Variants in SLC35D4 observed in about 807,000 individuals in gnomAD.
SLC35D4 encodes UDP-N-acetylglucosamine transporter SLC35D4.
At chr18:23,362,075 G>T in the SLC35D4 span, among the ~76,000 whole-genome samples, 1 of 152,196 alleles carries the variant, frequency 6.6e-6, no homozygotes, top group African/African-American at 2.4e-5. Flanking sequence ...TGACCACTTT[G>T]TATTCCCAGG....
At chr18:23,366,626 T>A in the SLC35D4 span, among the ~76,000 whole-genome samples, 1 of 152,158 alleles carries the variant, frequency 6.6e-6, no homozygotes, top group Non-Finnish European at 1.5e-5. Flanking sequence ...CCACAAGGAA[T>A]CCCTAGTTGG....
the SLC35D4 span, among the ~76,000 whole-genome samples, chr18:23,245,411 T>C: frequency 6.6e-6 from 1 of 150,380 alleles, no homozygotes; most frequent in African/African-American, 2.5e-5. Flanking sequence ...CTTGGGAGAC[T>C]GAGGCACGAG....
the SLC35D4 span, among the ~76,000 whole-genome samples, chr18:23,351,935 G>A: frequency 2.6e-5 from 4 of 152,134 alleles, no homozygotes. Context: ...CTTGAGCTCT[G>A]GACACCTGCA....
chr18:23,323,672 T>C, the SLC35D4 span, among the ~76,000 whole-genome samples: 17 of 152,164 alleles, frequency 1.1e-4, no homozygotes, highest in Admixed American at 1.1e-3. Context: ...ATTCACAAGT[T>C]GAAGCCCAAC....
chr18:23,422,693 C>T, the SLC35D4 span, among the ~76,000 whole-genome samples: 1 of 152,108 alleles, frequency 6.6e-6, no homozygotes, highest in African/African-American at 2.4e-5. Context: ...CTTCCTGCTG[C>T]CACAGGCAGC....
chr18:23,272,645 C>T, the SLC35D4 span, among the ~76,000 whole-genome samples: 1 of 151,848 alleles, frequency 6.6e-6, no homozygotes, highest in Non-Finnish European at 1.5e-5. Flanking sequence ...AGAACCAAAA[C>T]CTTTTATCCT....
the SLC35D4 span, among the ~76,000 whole-genome samples, chr18:23,390,495 A>T: frequency 2.0e-5 from 3 of 152,258 alleles, no homozygotes; most frequent in African/African-American, 7.2e-5. Flanking sequence ...AGAATCCATT[A>T]GCTGAAAATT....
the SLC35D4 span, chr18:23,371,433 A>AAGTG: frequency 6.3e-7 from 1 of 1,593,364 alleles, no homozygotes; most frequent in African/African-American, 1.4e-5. Context: ...TACACAGAGT[A>AAGTG]AGTGAATTAT....
At chr18:23,376,856 C>T in the SLC35D4 span, 9 of 456,562 alleles carry the variant, frequency 2.0e-5, no homozygotes, top group African/African-American at 4.0e-5. Flanking sequence ...TGAGCTTTAC[C>T]GCCTCTCTTT....
At chr18:23,307,093 G>T in the SLC35D4 span, among the ~76,000 whole-genome samples, 2 of 152,204 alleles carry the variant, frequency 1.3e-5, no homozygotes, top group Non-Finnish European at 2.9e-5. Context: ...ACCTCCGTTG[G>T]GTTACACATG....
At chr18:23,371,257 G>A in the SLC35D4 span, among the ~76,000 whole-genome samples, 3 of 151,992 alleles carry the variant, frequency 2.0e-5, no homozygotes, top group African/African-American at 7.3e-5. Context: ...ACCATGCCTG[G>A]CTAATTTTTG....
chr18:23,253,923 A>G, the SLC35D4 span: 9 of 1,614,122 alleles, frequency 5.6e-6, no homozygotes, highest in Non-Finnish European at 6.8e-6. Flanking sequence ...CACGAAGTCA[A>G]GCATTTAATT....
At chr18:23,291,311 C>G in the SLC35D4 span, among the ~76,000 whole-genome samples, 247 of 152,302 alleles carry the variant, frequency 1.6e-3, no homozygotes, top group Middle Eastern at 6.8e-3. Context: ...AGAGGACAGC[C>G]CACTTATGCT....
chr18:23,369,229 A>T, the SLC35D4 span, among the ~76,000 whole-genome samples: 8 of 152,220 alleles, frequency 5.3e-5, no homozygotes, highest in Non-Finnish European at 8.8e-5. Flanking sequence ...TTATTAAAAG[A>T]ACAAAAGGTG....
At chr18:23,323,291 T>C in the SLC35D4 span, among the ~76,000 whole-genome samples, 20 of 152,232 alleles carry the variant, frequency 1.3e-4, no homozygotes, top group Admixed American at 3.9e-4. Context: ...CATTTAGCAG[T>C]AATGGAGGTG....
the SLC35D4 span, chr18:23,377,676 A>G: frequency 6.4e-7 from 1 of 1,571,496 alleles, no homozygotes; most frequent in Non-Finnish European, 8.6e-7. Flanking sequence ...TGTTTTCTGC[A>G]TAAAAGTAAA....
chr18:23,344,600 CTTTTT>C, the SLC35D4 span, among the ~76,000 whole-genome samples: 1 of 126,074 alleles, frequency 7.9e-6, no homozygotes. Context: ...TTTTTTTCTT[CTTTTT>C]TTTTTTTTTG....
the SLC35D4 span, among the ~76,000 whole-genome samples, chr18:23,368,069 C>A: frequency 6.6e-6 from 1 of 152,126 alleles, no homozygotes; most frequent in African/African-American, 2.4e-5. Context: ...AAGCCTCAGA[C>A]TTCATCCTAC....
At chr18:23,248,226 G>A in the SLC35D4 span, among the ~76,000 whole-genome samples, 15 of 152,178 alleles carry the variant, frequency 9.9e-5, no homozygotes, top group Admixed American at 3.3e-4. Context: ...TCAACGGATC[G>A]GATATCGTCA....
Sources: allele counts gnomAD v4.1 joint callset (sites outside exome capture counted in the v4.1 genomes callset), GRCh38; gene constraint gnomAD v4.1.1; transcripts MANE v1.5; gene names NCBI Gene and HGNC (gene_info 2026-07-23, HGNC 2026-07-21).